GALNT13: variants seen among roughly 807,000 people sequenced by gnomAD.
The protein encoded by GALNT13 is UDP-GalNAc:polypeptide N-acetylgalactosaminyltransferase 13.
In GALNT13, 28 loss-of-function variants were observed where a neutral mutation model predicts 64.2. The ratio of observed to expected loss-of-function variants is 0.44; its 90% CI spans 0.32 to 0.60. The LOEUF is 0.60. GALNT13 is among the 20% of genes least tolerant of loss of function. The pLI, the probability that GALNT13 is intolerant of heterozygous loss-of-function variation, is 0.05. For synonymous variants in GALNT13, 214 were observed against 224.6 expected, an observed-to-expected ratio of 0.95 and a Z score of 0.42; for missense variants, 577 against 669.8, an observed-to-expected ratio of 0.86 and a Z score of 1.53.
At chr2:154,172,963 A>G (rs1306936917) in intron 4 of GALNT13, among the ~76,000 whole-genome samples, 1 of 152,096 alleles carries the variant, frequency 6.6e-6, no homozygotes, top group Non-Finnish European at 1.5e-5. Flanking sequence ...ACAGAAATAG[A>G]AAAAAATCCT....
intron 7 of GALNT13, among the ~76,000 whole-genome samples, chr2:154,252,724 A>AAGAT (rs70983713): frequency 0.044 from 6,421 of 146,792 alleles, 151 homozygotes; most frequent in African/African-American, 0.048. Flanking sequence ...CGAATGGAAA[A>AAGAT]AGATAGATAG....
At chr2:153,341,498 C>T in the GALNT13 span, among the ~76,000 whole-genome samples, 30 of 152,310 alleles carry the variant, frequency 2.0e-4, no homozygotes, top group Middle Eastern at 6.8e-3. Flanking sequence ...GCAAATTCTC[C>T]TTCTTACAGC....
chr2:153,393,071 C>T, the GALNT13 span, among the ~76,000 whole-genome samples: 1,349 of 152,156 alleles, frequency 8.9e-3, 9 homozygotes, highest in Non-Finnish European at 0.014. Context: ...TTATAAACTA[C>T]CCAGTCTAAG....
the GALNT13 span, among the ~76,000 whole-genome samples, chr2:153,438,187 A>T: frequency 6.6e-6 from 1 of 152,064 alleles, no homozygotes. Context: ...GTTTCTGCTG[A>T]GAGATCAGCT....
At chr2:154,434,734 A>C (rs1267321059) in intron 11 of GALNT13, among the ~76,000 whole-genome samples, 1 of 152,108 alleles carries the variant, frequency 6.6e-6, no homozygotes, top group Non-Finnish European at 1.5e-5. Flanking sequence ...TACAGTTGAG[A>C]CAACATGAAC....
intron 11 of GALNT13, among the ~76,000 whole-genome samples, chr2:154,433,457 C>T (rs557158936): frequency 2.5e-4 from 38 of 151,824 alleles, no homozygotes; most frequent in Non-Finnish European, 4.3e-4. Context: ...CAAGTAAGAC[C>T]TCTCTTACAG....
At chr2:154,174,661 C>T (rs1304522245) in intron 4 of GALNT13, among the ~76,000 whole-genome samples, 1 of 152,068 alleles carries the variant, frequency 6.6e-6, no homozygotes, top group Admixed American at 6.6e-5. Flanking sequence ...ACCTTTATTT[C>T]CTTTCTTCTA....
chr2:153,899,392 A>G (rs1036196848), intron 1 of GALNT13, among the ~76,000 whole-genome samples: 2 of 152,178 alleles, frequency 1.3e-5, no homozygotes, highest in African/African-American at 4.8e-5. Context: ...TAACTTTATA[A>G]TTGTATTGAA....
At chr2:154,237,306 C>A (rs1689242879) in intron 4 of GALNT13, among the ~76,000 whole-genome samples, 1 of 151,600 alleles carries the variant, frequency 6.6e-6, no homozygotes, top group African/African-American at 2.4e-5. Context: ...GATATAAAAA[C>A]TGAGGTGAAA....
chr2:153,472,263 T>TA, the GALNT13 span, among the ~76,000 whole-genome samples: 2 of 151,292 alleles, frequency 1.3e-5, no homozygotes, highest in South Asian at 4.2e-4. Context: ...AGCAAATATT[T>TA]AAAAAACTAA....
chr2:153,594,527 AT>A, the GALNT13 span, among the ~76,000 whole-genome samples: 1 of 151,636 alleles, frequency 6.6e-6, no homozygotes, highest in Non-Finnish European at 1.5e-5. Context: ...AATTATCCTC[AT>A]TTTTTTTGTA....
At chr2:153,235,826 A>G in the GALNT13 span, among the ~76,000 whole-genome samples, 1 of 152,168 alleles carries the variant, frequency 6.6e-6, no homozygotes, top group Non-Finnish European at 1.5e-5. Flanking sequence ...AGTAAAAGGA[A>G]GAGGCACACA....
chr2:153,408,021 A>G, the GALNT13 span, among the ~76,000 whole-genome samples: 1 of 152,238 alleles, frequency 6.6e-6, no homozygotes, highest in Non-Finnish European at 1.5e-5. Context: ...AGAGTAGTGC[A>G]ACAAAGCAGC....
At chr2:154,107,569 A>G (rs1350860911) in intron 3 of GALNT13, among the ~76,000 whole-genome samples, 1 of 150,188 alleles carries the variant, frequency 6.7e-6, no homozygotes, top group Non-Finnish European at 1.5e-5. Flanking sequence ...CAGCTTGGCA[A>G]CAGAGTGAGA....
chr2:153,993,016 T>C (rs796902958), intron 3 of GALNT13, among the ~76,000 whole-genome samples: 1 of 152,132 alleles, frequency 6.6e-6, no homozygotes, highest in Non-Finnish European at 1.5e-5. Flanking sequence ...CATGATAGAC[T>C]CTGGGGAAGC....
the GALNT13 span, among the ~76,000 whole-genome samples, chr2:153,733,854 A>G: frequency 6.6e-6 from 1 of 152,136 alleles, no homozygotes; most frequent in Non-Finnish European, 1.5e-5. Context: ...CCTTTAGTGG[A>G]TTTTCCAGCA....
At chr2:153,198,975 G>T in the GALNT13 span, among the ~76,000 whole-genome samples, 1 of 148,562 alleles carries the variant, frequency 6.7e-6, no homozygotes, top group East Asian at 2.0e-4. Flanking sequence ...AGTAGGCCTG[G>T]CAGTGCCTTC....
At chr2:154,063,028 T>A (rs148422429) in intron 3 of GALNT13, among the ~76,000 whole-genome samples, 1 of 152,278 alleles carries the variant, frequency 6.6e-6, no homozygotes, top group East Asian at 1.9e-4. Context: ...TTATTGTTGC[T>A]GTTTTCTTTT....
the GALNT13 span, among the ~76,000 whole-genome samples, chr2:153,398,356 T>C: frequency 6.6e-6 from 1 of 152,150 alleles, no homozygotes; most frequent in African/African-American, 2.4e-5. Flanking sequence ...AAGTCTTTGT[T>C]ATGGTGAATA....
Sources: gnomAD v4.1 joint callset for allele counts (sites outside exome capture counted in the v4.1 genomes callset) on GRCh38, gnomAD v4.1.1 for gene constraint, MANE v1.5 for transcripts, NCBI Gene and HGNC (gene_info 2026-07-23, HGNC 2026-07-21) for gene names.